Variants in HP1BP3 observed in about 807,000 individuals in gnomAD.
The protein encoded by HP1BP3 is heterochromatin protein 1 binding protein 3.
Under a neutral mutation model 62.5 loss-of-function variants are expected in HP1BP3, and 12 were observed. The observed-to-expected ratio is 0.19, with a 90% CI of 0.12 to 0.31. HP1BP3 has a LOEUF of 0.31. HP1BP3 is among the 10% of genes least tolerant of loss of function. HP1BP3 has a pLI of 1.00. For missense variants in HP1BP3, 502 were observed against 651.8 expected (o/e 0.77, Z 2.50); for synonymous variants, 260 against 237.8 (o/e 1.09, Z -0.86).
intron 8 of HP1BP3, among the ~76,000 whole-genome samples, chr1:20,761,959 C>A (rs1249740054): frequency 6.6e-6 from 1 of 152,058 alleles, no homozygotes; most frequent in African/African-American, 2.4e-5. Context: ...AAATTTCCAA[C>A]GTGGAGACTG....
chr1:20,779,946 T>TA, intron 2 of HP1BP3, 35 bp from the exon 3 acceptor site: 2 of 1,529,738 alleles, frequency 1.3e-6, no homozygotes, highest in African/African-American at 1.4e-5. Flanking sequence ...AAACATGCAT[T>TA]AAAAAATTCT....
intron 6 of HP1BP3, among the ~76,000 whole-genome samples, chr1:20,769,690 C>CT (rs1215056640): frequency 6.6e-6 from 1 of 152,210 alleles, no homozygotes. Flanking sequence ...GTATGAGCCA[C>CT]TGTGCCTGGC....
intron 6 of HP1BP3, among the ~76,000 whole-genome samples, chr1:20,769,890 G>A (rs1356253263): frequency 6.6e-6 from 1 of 152,218 alleles, no homozygotes; most frequent in African/African-American, 2.4e-5. Flanking sequence ...TGAAATGCCT[G>A]AGTGGCACAG....
intron 9 of HP1BP3, among the ~76,000 whole-genome samples, chr1:20,754,308 C>T (rs945339296): frequency 2.0e-5 from 3 of 152,114 alleles, no homozygotes; most frequent in Non-Finnish European, 4.4e-5. Flanking sequence ...AAAAAAAATT[C>T]AAGACTCGTA....
At chr1:20,760,762 G>C (rs2056421121) in intron 8 of HP1BP3, among the ~76,000 whole-genome samples, 1 of 152,144 alleles carries the variant, frequency 6.6e-6, no homozygotes, top group African/African-American at 2.4e-5. Context: ...CTTGAACCGA[G>C]GAGGCGGAGG....
chr1:20,777,210 T>C (rs975740108), intron 3 of HP1BP3, among the ~76,000 whole-genome samples: 12 of 151,770 alleles, frequency 7.9e-5, no homozygotes, highest in African/African-American at 2.9e-4. Flanking sequence ...TCACAGCATG[T>C]CTCTGAGTAG....
intron 9 of HP1BP3, 188 bp from the exon 10 acceptor site, chr1:20,750,070 C>T (rs1268270612): frequency 2.6e-6 from 3 of 1,172,462 alleles, no homozygotes; most frequent in African/African-American, 1.6e-5. Flanking sequence ...GAAGTCCCAA[C>T]CCTCCTATGG....
chr1:20,785,334 C>T (rs906072615), intron 1 of HP1BP3, among the ~76,000 whole-genome samples: 2 of 152,212 alleles, frequency 1.3e-5, no homozygotes, highest in Non-Finnish European at 1.5e-5. Context: ...AGTTTAACAA[C>T]GTATTTCAGT....
intron 1 of HP1BP3, among the ~76,000 whole-genome samples, chr1:20,782,478 G>C (rs1412184030): frequency 6.6e-6 from 1 of 151,736 alleles, no homozygotes. Context: ...AGCTACTTGG[G>C]AAGCTGAGAC....
intron 11 of HP1BP3, among the ~76,000 whole-genome samples, chr1:20,747,132 T>C (rs1420833235): frequency 2.0e-5 from 3 of 152,252 alleles, no homozygotes; most frequent in Admixed American, 2.0e-4. Flanking sequence ...ATCTTATGCC[T>C]GGCTAAAATC....
At chr1:20,769,354 T>C (rs1480644392) in intron 6 of HP1BP3, among the ~76,000 whole-genome samples, 1 of 152,054 alleles carries the variant, frequency 6.6e-6, no homozygotes, top group African/African-American at 2.4e-5. Context: ...GCCCAGGAGC[T>C]TGAGACCAGC....
chr1:20,751,420 A>G (rs987217974), intron 9 of HP1BP3, among the ~76,000 whole-genome samples: 1 of 152,052 alleles, frequency 6.6e-6, no homozygotes, highest in South Asian at 2.1e-4. Context: ...GCAGTGAAAA[A>G]TTTTGATAAA....
rs143903840 is a variant in HP1BP3 at position 20,759,026 on chromosome 1, A to G, written c.891-1770T>C. The stretch of plus-strand genomic sequence containing the variant: ...CCATGTTAGGAAAAACAACTGTAAA[A>G]TATCATTCTGGAGACAATTAAGGAC... On this transcript the variant is annotated intron_variant, in intron 8 of 12. Coordinates refer to ENST00000438032, the MANE Select transcript of HP1BP3 (RefSeq NM_001372052.1). Among the ~76,000 whole-genome samples the G allele has an allele frequency of 1.7e-4, 26 of 152,290 alleles. No homozygotes were observed. In the East Asian group the frequency reaches 4.6e-3, roughly 27 times the overall value.
At position 20,740,794 on chromosome 1, in the gene HP1BP3, A is replaced by G. The variant is rs941540178; in HGVS notation, c.*4003T>C. On this transcript the variant is annotated 3_prime_UTR_variant, in exon 13 of 13. Coordinates refer to ENST00000438032, the MANE Select transcript of HP1BP3 (RefSeq NM_001372052.1). ...GATCACACCACTGCGCTGCAGCCTT[A>G]GTGACACAGCAAACTCCATCTCAAA... is the stretch of plus-strand genomic sequence containing the variant. Among the ~76,000 whole-genome samples the G allele has an allele frequency of 1.3e-5, 2 of 152,256 alleles. No individual in the cohort carries two copies. Among genetic ancestry groups the G allele is most frequent in the African/African-American group, 2.4e-5 (1 of 41,472 alleles).
At position 20,742,772 on chromosome 1, in the gene HP1BP3, C is replaced by T. The variant is rs2055119100; in HGVS notation, c.*2025G>A. On this transcript the variant is annotated 3_prime_UTR_variant, in exon 13 of 13. Transcript: ENST00000438032. ...ACAGGAAAGATTGCCTTACATGCAA[C>T]ACAAATTCCAATGAATTCATGATGG... 1 of 152,586 alleles carries T rather than the reference C, an allele frequency of 6.6e-6. No homozygotes were observed. The highest frequency in any genetic ancestry group is 2.1e-4 in the South Asian group (1 of 4,832). 9.5% of individuals were successfully genotyped at this position (152,586 alleles called of 1,614,324 possible).
At chr1:20,752,261 A>G (rs1316667333) in intron 9 of HP1BP3, among the ~76,000 whole-genome samples, 2 of 151,958 alleles carry the variant, frequency 1.3e-5, no homozygotes, top group East Asian at 3.9e-4. Flanking sequence ...CAAAAAACAA[A>G]CAAACAAAAA....
At position 20,776,420 on chromosome 1, in the gene HP1BP3, T is replaced by A. The variant is rs1187056638; in HGVS notation, c.350+177A>T. ...CCATTGTGTTCTGCTAACTACAGCA[T>A]ATTCTAACAGGTCAAACAACTATAT... On this transcript the variant is annotated intron_variant, in intron 4 of 12. Transcript: ENST00000438032. 8.8e-6 allele frequency: 5 copies of A among 568,350 alleles called. No individual in the cohort carries two copies. In the South Asian group the frequency reaches 1.3e-4, roughly 15 times the overall value. The allele number at this position is 568,350 out of a possible 1,614,324, so 35.2% of individuals were successfully genotyped here.
intron 1 of HP1BP3, among the ~76,000 whole-genome samples, chr1:20,784,302 G>A (rs2057714020): frequency 6.6e-6 from 1 of 151,932 alleles, no homozygotes; most frequent in South Asian, 2.1e-4. Flanking sequence ...TTTTACTATT[G>A]CACTCTGAAT....
chr1:20,776,853 A>C (rs1166369827), intron 3 of HP1BP3, 103 bp from the exon 4 acceptor site: 1 of 934,850 alleles, frequency 1.1e-6, no homozygotes, highest in Admixed American at 3.0e-5. Flanking sequence ...AAAGTCTCCA[A>C]TTAACAAATG....
Sources: gnomAD v4.1 joint callset for allele counts (sites outside exome capture counted in the v4.1 genomes callset) on GRCh38, gnomAD v4.1.1 for gene constraint, MANE v1.5 for transcripts, NCBI Gene and HGNC (gene_info 2026-07-23, HGNC 2026-07-21) for gene names.